The following SNX29 variants were observed in gnomAD, a reference collection of about 807,000 sequenced individuals.
The protein encoded by SNX29 is sorting nexin-29.
A neutral mutation model predicts 102.1 loss-of-function variants in SNX29; 78 were observed. That is an observed-to-expected ratio of 0.76 (90% CI 0.64 to 0.92). The LOEUF (loss-of-function observed/expected upper bound fraction) is 0.92, where lower values mean the gene tolerates loss of function less well. Among genes scored for constraint, SNX29 ranks in the 40% least tolerant of loss-of-function variants. The pLI, the probability that SNX29 is intolerant of heterozygous loss-of-function variation, is 0.00. For missense variants in SNX29, 1,280 were observed against 1,061.7 expected, an observed-to-expected ratio of 1.21 and a Z score of -2.86; for synonymous variants, 580 against 414.5, an observed-to-expected ratio of 1.40 and a Z score of -4.85.
At chr16:12,085,539 C>G (rs2052129241) in intron 11 of SNX29, among the ~76,000 whole-genome samples, 1 of 152,196 alleles carries the variant, frequency 6.6e-6, no homozygotes, top group Admixed American at 6.5e-5. Flanking sequence ...GTTGGCTAGG[C>G]TGGTCTCAAA....
intron 19 of SNX29, among the ~76,000 whole-genome samples, chr16:12,481,268 T>C (rs994952999): frequency 1.3e-5 from 2 of 152,114 alleles, no homozygotes; most frequent in Non-Finnish European, 1.5e-5. Flanking sequence ...GGGGTGGATC[T>C]GACCACCCAG....
intron 20 of SNX29, among the ~76,000 whole-genome samples, chr16:12,550,510 G>A (rs1355073486): frequency 2.0e-5 from 3 of 147,886 alleles, no homozygotes; most frequent in Non-Finnish European, 4.4e-5. Flanking sequence ...ATTCCAGTCT[G>A]GGAGACACAG....
intron 11 of SNX29, among the ~76,000 whole-genome samples, chr16:12,100,706 C>A (rs2052975505): frequency 1.0e-5 from 1 of 96,862 alleles, no homozygotes; most frequent in African/African-American, 4.0e-5. Context: ...GTGGCTGGGG[C>A]AGGAGGAGAT....
chr16:11,999,280 G>A lies in SNX29; in HGVS notation c.8-17G>A, dbSNP rs959237095. On this transcript the variant is annotated splice_polypyrimidine_tract_variant and intron_variant, in intron 1 of 20. Coordinates refer to ENST00000566228, the MANE Select transcript of SNX29 (RefSeq NM_032167.5). ...CCGAGCGTCAGAGAGAACTAATTAA[G>A]CCTCATTGCATTTTAGGATCACAGA... 5 of 1,613,610 alleles carry A rather than the reference G, an allele frequency of 3.1e-6. No individual in the cohort carries two copies. The African/African-American group carries it at 6.7e-5, about 22-fold the overall frequency.
intron 16 of SNX29, among the ~76,000 whole-genome samples, chr16:12,364,706 T>A (rs896944325): frequency 3.9e-5 from 6 of 152,172 alleles, no homozygotes; most frequent in Admixed American, 6.5e-5. Context: ...TCACTTCATA[T>A]AATGGACATT....
At chr16:12,087,570 C>T (rs368013160) in intron 11 of SNX29, 20 of 332,754 alleles carry the variant, frequency 6.0e-5, no homozygotes, top group African/African-American at 3.9e-4. Context: ...GTACCCCAGC[C>T]TGGGCAACAG....
intron 18 of SNX29, among the ~76,000 whole-genome samples, chr16:12,438,084 A>C (rs1047347768): frequency 2.0e-5 from 3 of 151,792 alleles, no homozygotes; most frequent in South Asian, 2.1e-4. Context: ...TGACCTTTCC[A>C]AGCAGCCTCA....
At chr16:12,288,296 C>A (rs375064237) in intron 15 of SNX29, among the ~76,000 whole-genome samples, 3 of 152,174 alleles carry the variant, frequency 2.0e-5, no homozygotes, top group Admixed American at 2.0e-4. Flanking sequence ...CCAGGAGTTA[C>A]GGCCCCTTTC....
chr16:12,389,526 C>T (rs2083450536), intron 16 of SNX29, among the ~76,000 whole-genome samples: 1 of 152,108 alleles, frequency 6.6e-6, no homozygotes. Flanking sequence ...GTGAGGCCTC[C>T]CTGGCCATGT....
chr16:12,571,518 G>A lies in SNX29; in HGVS notation c.*2889G>A, dbSNP rs943970946. 5.5e-6 allele frequency: 4 copies of A among 721,564 alleles called. No individual in the cohort carries two copies. Among genetic ancestry groups the A allele is most frequent in the African/African-American group, 3.7e-5 (2 of 54,236 alleles). The allele number at this position is 721,564 out of a possible 1,614,324, so 44.7% of individuals were successfully genotyped here. A position where few individuals can be genotyped will look rare whatever the true frequency, so the allele number is the denominator to read the frequency against. On this transcript the variant is annotated 3_prime_UTR_variant, in exon 21 of 21. Transcript: ENST00000566228. ...GGTGGCCCACCTCTCAAGGGCCTTG[G>A]ATTCCTGGGACCACCCTTTGCTGGG...
chr16:12,561,686 C>T (rs777440165), intron 20 of SNX29, among the ~76,000 whole-genome samples: 1 of 152,182 alleles, frequency 6.6e-6, no homozygotes, highest in Non-Finnish European at 1.5e-5. Context: ...CACACAGACC[C>T]CCTTTTCCCC....
chr16:12,163,211 G>C (rs1033708649), intron 13 of SNX29, among the ~76,000 whole-genome samples: 3 of 152,220 alleles, frequency 2.0e-5, no homozygotes, highest in Non-Finnish European at 4.4e-5. Flanking sequence ...AGATAGGAAT[G>C]TCCTTTGCGG....
Position 12,312,691 on chromosome 16 carries a change from G to T in SNX29, c.1782+34655G>T, listed in dbSNP as rs889197083. On this transcript the variant is annotated intron_variant, in intron 15 of 20. Coordinates refer to ENST00000566228, the MANE Select transcript of SNX29 (RefSeq NM_032167.5). ...GTTTCTGCTTGGCTTTGGGACAGAGGGGGAAGAGCTTCCAAGTGGTCCTAT... is the reference window on the plus strand; with the variant it reads ...GTTTCTGCTTGGCTTTGGGACAGAGTGGGAAGAGCTTCCAAGTGGTCCTAT... Among the ~76,000 whole-genome samples the T allele has an allele frequency of 0.017, 12 of 722 alleles. No individual in the cohort carries two copies. The South Asian group carries it at 0.3, about 18-fold the overall frequency. 0.5% of individuals were successfully genotyped at this position (722 alleles called of 152,430 possible). A position where few individuals can be genotyped will look rare whatever the true frequency, so the allele number is the denominator to read the frequency against.
intron 13 of SNX29, among the ~76,000 whole-genome samples, chr16:12,147,385 G>C (rs2055108361): frequency 6.6e-6 from 1 of 152,208 alleles, no homozygotes; most frequent in African/African-American, 2.4e-5. Flanking sequence ...GAACTCTTAT[G>C]AAAAGGTTAC....
intron 14 of SNX29, among the ~76,000 whole-genome samples, chr16:12,225,232 C>T (rs937685868): frequency 6.6e-6 from 1 of 152,080 alleles, no homozygotes; most frequent in South Asian, 2.1e-4. Context: ...CTTTAAGGGA[C>T]ATCTTTTTTA....
At chr16:12,128,386 C>G (rs896241771) in intron 12 of SNX29, among the ~76,000 whole-genome samples, 12 of 151,862 alleles carry the variant, frequency 7.9e-5, no homozygotes, top group Middle Eastern at 6.3e-3. Flanking sequence ...TCTCAAGGAA[C>G]ACAAGTCTTG....
intron 15 of SNX29, among the ~76,000 whole-genome samples, chr16:12,326,513 A>G (rs1466241872): frequency 6.6e-6 from 1 of 152,064 alleles, no homozygotes; most frequent in African/African-American, 2.4e-5. Flanking sequence ...ACATCTGCTC[A>G]GCTCTGCCGG....
At position 12,125,662 on chromosome 16, in the gene SNX29, C is replaced by T. The variant is rs149534125; in HGVS notation, c.1403-971C>T. Among the ~76,000 whole-genome samples the T allele has an allele frequency of 2.5e-3, 289 of 116,812 alleles. 4 individuals carry two copies. Among genetic ancestry groups the T allele is most frequent in the African/African-American group, 8.8e-3 (271 of 30,894 alleles). 76.6% of individuals were successfully genotyped at this position (116,812 alleles called of 152,430 possible). On this transcript the variant is annotated intron_variant, in intron 11 of 20. Transcript: ENST00000566228. ...TTTTTGAGATGAGGTCTCACTATGT[C>T]GACCAGGCTGGTCCTGAACTCCTGG...
At chr16:12,411,729 A>G (rs181266448) in intron 18 of SNX29, among the ~76,000 whole-genome samples, 11 of 152,270 alleles carry the variant, frequency 7.2e-5, no homozygotes, top group Non-Finnish European at 1.2e-4. Flanking sequence ...TGTGGGGTAA[A>G]GGTAGCCTCG....
Sources: allele counts gnomAD v4.1 joint callset (sites outside exome capture counted in the v4.1 genomes callset), GRCh38; gene constraint gnomAD v4.1.1; transcripts MANE v1.5; gene names NCBI Gene and HGNC (gene_info 2026-07-23, HGNC 2026-07-21).